CR2: variants seen among roughly 807,000 people sequenced by gnomAD.
CR2 encodes the protein complement C3d receptor 2.
CR2 carries 96 observed loss-of-function variants against 123.0 expected under a neutral mutation model. That is an observed-to-expected ratio of 0.78 (90% CI 0.66 to 0.93). The LOEUF (loss-of-function observed/expected upper bound fraction) is 0.93. Among genes scored for constraint, CR2 ranks in the 40% least tolerant of loss-of-function variants. The pLI, the probability that CR2 is intolerant of heterozygous loss-of-function variation, is 0.00. For synonymous variants in CR2, 484 were observed against 469.5 expected (o/e 1.03, Z -0.40); for missense variants, 1,258 against 1,361.0 (o/e 0.92, Z 1.19).
intron 1 of CR2, among the ~76,000 whole-genome samples, chr1:207,456,926 T>C (rs967178445): frequency 6.6e-6 from 1 of 152,250 alleles, no homozygotes; most frequent in Non-Finnish European, 1.5e-5. Flanking sequence ...ATTCTCTCTT[T>C]TGAAATGCTC....
Position 207,454,846 on chromosome 1 carries a change from T to G in CR2, c.58+370T>G. 2 of 221,858 alleles carry G rather than the reference T, an allele frequency of 9.0e-6. No individual in the cohort carries two copies. The highest frequency in any genetic ancestry group is 1.8e-5 in the Non-Finnish European group (2 of 111,256). The allele number at this position is 221,858 out of a possible 1,614,324, so 13.7% of individuals were successfully genotyped here. On this transcript the variant is annotated intron_variant, in intron 1 of 19. Coordinates refer to ENST00000367057, the MANE Select transcript of CR2 (RefSeq NM_001006658.3). The surrounding 1 kb of genome is among the most constrained non-coding windows in gnomAD (Gnocchi z 4.3). Reference sequence around the variant, plus strand: ...GCGCTACCGCTCGCCACGGGAAACCTACCCACTGCATGAGGCACCAGCTAG... The same window carrying G: ...GCGCTACCGCTCGCCACGGGAAACCGACCCACTGCATGAGGCACCAGCTAG...
chr1:207,467,008 A>T, intron 2 of CR2, 96 bp downstream of exon 2: 1 of 1,379,236 alleles, frequency 7.3e-7, no homozygotes, highest in Non-Finnish European at 9.7e-7. Flanking sequence ...CAGTGTGAAC[A>T]TGTAATGATG....
At chr1:207,465,775 C>T (rs978431568) in intron 1 of CR2, among the ~76,000 whole-genome samples, 2 of 152,198 alleles carry the variant, frequency 1.3e-5, no homozygotes, top group African/African-American at 4.8e-5. Context: ...CAATATCCTT[C>T]ATGGTTATTA....
Position 207,471,062 on chromosome 1 carries a change from G to T in CR2, c.1468G>T (p.Asp490Tyr). 1 of 1,613,692 alleles carries T rather than the reference G, an allele frequency of 6.2e-7. No homozygotes were observed. Among genetic ancestry groups the T allele is most frequent in the African/African-American group, 1.3e-5 (1 of 75,028 alleles). Residue 490 changes from aspartate to tyrosine, a missense_variant, in exon 8 of 20, where the codon GAT becomes TAT. Transcript: ENST00000367057. ...ACCCCAGCACCAATTTGTTAGACCA[G>T]ATGTCAACTCTTCTTGTGGTGAAGG... Reference protein sequence around the residue: ...TKPQHQFVRPDVNSSCGEGYK... With the variant: ...TKPQHQFVRPYVNSSCGEGYK...
At chr1:207,461,384 A>G (rs1657961610) in intron 1 of CR2, among the ~76,000 whole-genome samples, 2 of 152,194 alleles carry the variant, frequency 1.3e-5, no homozygotes, top group Admixed American at 6.5e-5. Context: ...TACTTTCTCC[A>G]TCTCTGAAGT....
At chr1:207,478,182 C>A (rs1362081014) in intron 16 of CR2, 112 bp downstream of exon 16, 2 of 1,159,924 alleles carry the variant, frequency 1.7e-6, no homozygotes, top group Admixed American at 4.1e-5. Flanking sequence ...GGTTTGTGAC[C>A]AGTTGTATAA....
At chr1:207,481,389 G>C (rs1207978072) in intron 18 of CR2, among the ~76,000 whole-genome samples, 1 of 152,014 alleles carries the variant, frequency 6.6e-6, no homozygotes, top group African/African-American at 2.4e-5. Context: ...ATGCAAGATA[G>C]ATTATATTCC....
chr1:207,468,923 G>A, intron 4 of CR2, 24 bp downstream of exon 4: 2 of 1,608,598 alleles, frequency 1.2e-6, no homozygotes, highest in Non-Finnish European at 1.7e-6. Context: ...TTATTTATGA[G>A]ATTTAATTCA....
chr1:207,473,208 A>G lies in CR2; in HGVS notation c.1978+29A>G, dbSNP rs766668952. 3.7e-6 allele frequency: 6 copies of G among 1,611,204 alleles called. No individual in the cohort carries two copies. The African/African-American group carries it at 4.0e-5, about 11-fold the overall frequency. ...AAAACCCAATAAGGGGGAAAAAAGG[A>G]GAGATTTACTTAATTATTCTTGTTT... On this transcript the variant is annotated intron_variant, in intron 10 of 19. Transcript: ENST00000367057.
In CR2 at chr1:207,469,179, GGT is replaced by G; in HGVS notation, c.769_770del (p.Val257AsnfsTer15). ...CGACTGCAAGGCCCACCTTCTAGTC[GGT>G]GTGTAATTGCTGGACAGGGAGTTGC... On this transcript the variant is annotated frameshift_variant, in exon 5 of 20. Coordinates refer to ENST00000367057, the MANE Select transcript of CR2 (RefSeq NM_001006658.3). LOFTEE classifies it high-confidence loss of function. 1 of 1,613,896 alleles carries G rather than the reference GGT, an allele frequency of 6.2e-7. No homozygotes were observed. Among genetic ancestry groups the G allele is most frequent in the Non-Finnish European group, 8.5e-7 (1 of 1,179,834 alleles).
At chr1:207,468,388 C>T (rs550550966) in intron 2 of CR2, 139 bp from the exon 3 acceptor site, 35 of 757,392 alleles carry the variant, frequency 4.6e-5, no homozygotes, top group East Asian at 4.0e-4. Context: ...TTAGTGTTAG[C>T]GTATATTATG....
rs771267937 is a variant in CR2, at chr1:207,466,669, A to G, written c.202A>G (p.Lys68Glu). Residue 68 changes from lysine (K) to glutamate (E), a missense_variant, in exon 2 of 20, where the codon AAA becomes GAA. Lys to Glu is a moderately conservative substitution (Grantham distance 56, BLOSUM62 1). Coordinates refer to ENST00000367057, the MANE Select transcript of CR2 (RefSeq NM_001006658.3). ...IGEKSLLCIT[K>E]DKVDGTWDKP... ...AGAAAAAAGTCTATTATGCATAACT[A>G]AAGACAAAGTGGATGGAACCTGGGA... 1.4e-5 allele frequency: 23 copies of G among 1,614,146 alleles called. No individual in the cohort carries two copies. The South Asian group carries it at 2.1e-4, about 15-fold the overall frequency.
intron 12 of CR2, 77 bp from the exon 13 acceptor site, chr1:207,474,164 G>T: frequency 1.6e-6 from 2 of 1,222,366 alleles, no homozygotes; most frequent in Non-Finnish European, 2.4e-6. Flanking sequence ...TTCTTATTTA[G>T]AAGTCCCTTT....
In CR2 at chr1:207,469,135, A is replaced by G. The variant is rs1331310095; in HGVS notation, c.735-15A>G. On this transcript the variant is annotated splice_polypyrimidine_tract_variant and intron_variant, in intron 4 of 19. Coordinates refer to ENST00000367057, the MANE Select transcript of CR2 (RefSeq NM_001006658.3). The stretch of plus-strand genomic sequence containing the variant: ...AACTGCCTAATAGTTCTGAATGACA[A>G]CCTTCTGTCTCCAGGTATCGACTGC... 6.2e-7 allele frequency: 1 copy of G among 1,611,338 alleles called. No individual in the cohort carries two copies. The highest frequency in any genetic ancestry group is 1.3e-5 in the African/African-American group (1 of 74,776).
chr1:207,480,625 G>C (rs1658578402), intron 18 of CR2, among the ~76,000 whole-genome samples: 1 of 152,040 alleles, frequency 6.6e-6, no homozygotes, highest in African/African-American at 2.4e-5. Context: ...TAGATTTCTA[G>C]AATTACTAAA....
intron 14 of CR2, 89 bp from the exon 15 acceptor site, chr1:207,476,145 G>A (rs1256910642): frequency 2.3e-5 from 29 of 1,280,648 alleles, no homozygotes; most frequent in Non-Finnish European, 3.0e-5. Context: ...TGTTGCTTCT[G>A]GCCTTCCTGT....
At chr1:207,461,778 C>A (rs1657973387) in intron 1 of CR2, among the ~76,000 whole-genome samples, 1 of 152,148 alleles carries the variant, frequency 6.6e-6, no homozygotes, top group African/African-American at 2.4e-5. Context: ...GTCAGATGCT[C>A]AGCAGTTCTG....
rs1658395496 is a variant in CR2 at position 207,475,034 on chromosome 1, C to T, written c.2534C>T (p.Thr845Ile). 1 of 1,614,040 alleles carries T rather than the reference C, an allele frequency of 6.2e-7. No individual in the cohort carries two copies. Among genetic ancestry groups the T allele is most frequent in the South Asian group, 1.1e-5 (1 of 91,078 alleles). The change falls in exon 14 of 20, where the codon ACT (threonine) becomes ATT (isoleucine). Residue 845 changes from threonine (T) to isoleucine (I), a missense_variant. Transcript: ENST00000367057. ...SPQCLRSPPV[T>I]RCPNPEVKHG... ...CAGTGCTTACGATCTCCTCCTGTGACTCGCTGCCCTAATCCAGAAGTCAAA... is the reference window on the plus strand; with the variant it reads ...CAGTGCTTACGATCTCCTCCTGTGATTCGCTGCCCTAATCCAGAAGTCAAA...
chr1:207,471,492 T>C lies in CR2; in HGVS notation c.1563T>C (p.Leu521=), dbSNP rs1658279145. ...TTCCTTGGTTTATGGAGATTCGTCT[T>C]TGTAAAGGTGAGTAGCAAAAATGAT... ...GTIPWFMEIR[L]CKEITCPPPP... The change falls in exon 9 of 20, where the codon CTT becomes CTC. Residue 521 remains leucine (L), a synonymous_variant. Coordinates refer to ENST00000367057, the MANE Select transcript of CR2 (RefSeq NM_001006658.3). The C allele has an allele frequency of 6.2e-7, 1 of 1,607,626 alleles. No homozygotes were observed. The highest frequency in any genetic ancestry group is 8.5e-7 in the Non-Finnish European group (1 of 1,174,308).
Sources: gnomAD v4.1 joint callset for allele counts (sites outside exome capture counted in the v4.1 genomes callset) on GRCh38, gnomAD v4.1.1 for gene constraint, Gnocchi (gnomAD v3.1) non-coding constraint, MANE v1.5 for transcripts, NCBI Gene and HGNC (gene_info 2026-07-23, HGNC 2026-07-21) for gene names.